The following GORASP2 variants were observed in gnomAD, a reference collection of about 807,000 sequenced individuals.
GORASP2 encodes Golgi reassembly-stacking protein 2.
Under a neutral mutation model 45.7 loss-of-function variants are expected in GORASP2, and 22 were observed. The observed-to-expected ratio is 0.48, with a 90% CI of 0.34 to 0.69. The LOEUF is 0.69. Among genes scored for constraint, GORASP2 ranks in the 30% least tolerant of loss-of-function variants. The pLI is 0.01. For missense variants in GORASP2, 491 were observed against 562.7 expected, an observed-to-expected ratio of 0.87 and a Z score of 1.29; for synonymous variants, 221 against 215.6, an observed-to-expected ratio of 1.02 and a Z score of -0.22.
At chr2:170,935,340 C>G (rs997662498) in intron 1 of GORASP2, among the ~76,000 whole-genome samples, 2 of 151,888 alleles carry the variant, frequency 1.3e-5, no homozygotes, top group African/African-American at 4.8e-5. Flanking sequence ...CTGCAACTTC[C>G]GCCACTCCAG....
intron 9 of GORASP2, 145 bp downstream of exon 9, chr2:170,963,091 A>G: frequency 1.6e-6 from 1 of 636,646 alleles, no homozygotes; most frequent in Non-Finnish European, 2.8e-6. Flanking sequence ...TTTTTTGTTT[A>G]AAAAGCTTAA....
chr2:170,929,117 G>A (rs917948260), upstream of GORASP2: 13 of 392,036 alleles, frequency 3.3e-5, no homozygotes, highest in African/African-American at 2.7e-4. Context: ...CCCGGCCCGC[G>A]AGCGCTCGGG....
intron 6 of GORASP2, among the ~76,000 whole-genome samples, chr2:170,955,631 TC>T (rs1172255123): frequency 1.3e-5 from 2 of 152,230 alleles, no homozygotes; most frequent in Non-Finnish European, 2.9e-5. Flanking sequence ...CTGAAGCTCT[TC>T]TTTAAGAGCT....
chr2:170,929,369 C>T lies in GORASP2; in HGVS notation c.29C>T (p.Pro10Leu). 1 of 1,411,040 alleles carries T rather than the reference C, an allele frequency of 7.1e-7. No homozygotes were observed. Among genetic ancestry groups the T allele is most frequent in the South Asian group, 1.6e-5 (1 of 62,912 alleles). 87.4% of individuals were successfully genotyped at this position (1,411,040 alleles called of 1,614,324 possible). A position where few individuals can be genotyped will look rare whatever the true frequency, so the allele number is the denominator to read the frequency against. The part of the protein sequence containing the change: MGSSQSVEI[P>L]GGGTEGYHVL... The stretch of plus-strand genomic sequence containing the variant: ...GGCTCCTCGCAAAGCGTCGAGATCC[C>T]GGGCGGGGGCACCGAGGGCTACCAC... Residue 10 changes from proline to leucine, a missense_variant, in exon 1 of 10, where the codon CCG becomes CTG. Transcript: ENST00000234160.
At chr2:170,946,783 A>AG (rs1704189486) in intron 1 of GORASP2, among the ~76,000 whole-genome samples, 1 of 151,146 alleles carries the variant, frequency 6.6e-6, no homozygotes, top group Non-Finnish European at 1.5e-5. Context: ...AAAAAAAAAA[A>AG]AAAAATTAGG....
At chr2:170,947,548 T>TAGTG (rs1437427362) in intron 1 of GORASP2, among the ~76,000 whole-genome samples, 1 of 152,238 alleles carries the variant, frequency 6.6e-6, no homozygotes, top group Admixed American at 6.5e-5. Flanking sequence ...TTTTACATTA[T>TAGTG]AGTGATTAGA....
chr2:170,929,074 C>T, upstream of GORASP2: 1 of 375,112 alleles, frequency 2.7e-6, no homozygotes, highest in South Asian at 1.2e-4. Flanking sequence ...CGCGGTGCCT[C>T]CCAGTCCTCC....
intron 7 of GORASP2, 104 bp from the exon 8 acceptor site, chr2:170,961,559 C>A: frequency 1.3e-6 from 1 of 754,742 alleles, no homozygotes. Flanking sequence ...CAAATGAAGA[C>A]CTGACCACGG....
chr2:170,958,913 G>A (rs113845192), intron 7 of GORASP2, among the ~76,000 whole-genome samples: 3,391 of 148,382 alleles, frequency 0.023, 144 homozygotes, highest in African/African-American at 0.078. Flanking sequence ...CAAGTGACCC[G>A]CCCGCCTCTG....
At chr2:170,957,946 A>T (rs568318180) in intron 7 of GORASP2, among the ~76,000 whole-genome samples, 2 of 152,298 alleles carry the variant, frequency 1.3e-5, no homozygotes, top group African/African-American at 4.8e-5. Flanking sequence ...GGTGCGAGTC[A>T]TGGCTCCTAG....
intron 1 of GORASP2, among the ~76,000 whole-genome samples, chr2:170,937,755 T>G (rs1469271455): frequency 1.3e-5 from 2 of 151,928 alleles, no homozygotes; most frequent in Non-Finnish European, 2.9e-5. Context: ...CGAGGCAGAG[T>G]ATTACTTGAA....
At chr2:170,946,125 G>A (rs1388299545) in intron 1 of GORASP2, among the ~76,000 whole-genome samples, 4 of 151,964 alleles carry the variant, frequency 2.6e-5, no homozygotes, top group Admixed American at 2.6e-4. Flanking sequence ...GATCCTCCCA[G>A]CTCAGCCTTC....
intron 1 of GORASP2, among the ~76,000 whole-genome samples, chr2:170,938,441 G>A (rs897353271): frequency 1.3e-5 from 2 of 152,198 alleles, no homozygotes; most frequent in African/African-American, 2.4e-5. Context: ...ACACATAAAT[G>A]GTGCCTGTTA....
At chr2:170,934,948 A>T (rs1043100895) in intron 1 of GORASP2, among the ~76,000 whole-genome samples, 2 of 152,076 alleles carry the variant, frequency 1.3e-5, no homozygotes, top group Non-Finnish European at 2.9e-5. Flanking sequence ...CTATTGGTCA[A>T]GCTGGTCTCG....
Position 170,965,840 on chromosome 2 carries a change from C to T in GORASP2, c.1069C>T (p.Pro357Ser), listed in dbSNP as rs1166177903. The change falls in exon 10 of 10, where the codon CCT (proline) becomes TCT (serine). Residue 357 changes from proline to serine, a missense_variant. By Grantham distance (74) the Pro-to-Ser change is moderately conservative. Transcript: ENST00000234160. Reference sequence around the variant, plus strand: ...TCCCCGAAACTTACCTGGCATTGCACCTCTCCCCCTGCCATCCGAGTTCCT... The same window carrying T: ...TCCCCGAAACTTACCTGGCATTGCATCTCTCCCCCTGCCATCCGAGTTCCT... ...MPPRNLPGIA[P>S]LPLPSEFLPS... 3.1e-6 allele frequency: 5 copies of T among 1,613,964 alleles called. No individual in the cohort carries two copies. The highest frequency in any genetic ancestry group is 3.3e-5 in the Admixed American group (2 of 60,002).
chr2:170,932,357 G>A (rs188246375), intron 1 of GORASP2, among the ~76,000 whole-genome samples: 28 of 152,274 alleles, frequency 1.8e-4, no homozygotes, highest in African/African-American at 6.3e-4. Flanking sequence ...TTCTGTAGTA[G>A]CAAGTGGCCA....
chr2:170,936,747 G>A (rs1245946032), intron 1 of GORASP2: 3 of 711,514 alleles, frequency 4.2e-6, no homozygotes, highest in African/African-American at 1.8e-5. Context: ...GGGCCCAAGA[G>A]TTTAAGACCA....
At chr2:170,931,888 T>C (rs571303812) in intron 1 of GORASP2, among the ~76,000 whole-genome samples, 14 of 152,350 alleles carry the variant, frequency 9.2e-5, no homozygotes, top group East Asian at 3.9e-4. Flanking sequence ...GTAACCACTG[T>C]GGACAGTTTT....
At chr2:170,942,693 A>G (rs1015096818) in intron 1 of GORASP2, among the ~76,000 whole-genome samples, 8 of 152,116 alleles carry the variant, frequency 5.3e-5, no homozygotes, top group Non-Finnish European at 8.8e-5. Flanking sequence ...ATGGAGATAT[A>G]TTTTCATTTT....
Sources: allele counts gnomAD v4.1 joint callset (sites outside exome capture counted in the v4.1 genomes callset), GRCh38; gene constraint gnomAD v4.1.1; transcripts MANE v1.5; gene names NCBI Gene and HGNC (gene_info 2026-07-23, HGNC 2026-07-21).